Variants in KIF24 observed in about 807,000 individuals in gnomAD.
KIF24 encodes the protein kinesin family member 24, also known as kinesin-like protein KIF24.
Under a neutral mutation model 118.9 loss-of-function variants are expected in KIF24, and 81 were observed. That is an observed-to-expected ratio of 0.68 (90% CI 0.57 to 0.82). The LOEUF (loss-of-function observed/expected upper bound fraction) is 0.82. Ranked by LOEUF, KIF24 falls within the 40% of genes least tolerant of loss-of-function variation. KIF24 has a pLI of 0.00. For missense variants in KIF24, 1,560 were observed against 1,661.6 expected, an observed-to-expected ratio of 0.94 and a Z score of 1.06; for synonymous variants, 599 against 610.0, an observed-to-expected ratio of 0.98 and a Z score of 0.27.
intron 8 of KIF24, among the ~76,000 whole-genome samples, chr9:34,266,692 A>G (rs951784332): frequency 1.3e-4 from 20 of 149,708 alleles, no homozygotes; most frequent in Middle Eastern, 3.5e-3. Context: ...AAAAAAAAAA[A>G]AAAGAAAGAA....
At position 34,271,999 on chromosome 9, in the gene KIF24, C is replaced by A. The variant is rs79113353; in HGVS notation, c.1216-69G>T. On this transcript the variant is annotated intron_variant, in intron 6 of 12. Transcript: ENST00000402558. ...AAAGCCTCTGGCTACTAAGAGTTGG[C>A]TAAGAGCAGTAGACAGCAGACATAT... 532 of 1,448,634 alleles carry A rather than the reference C, an allele frequency of 3.7e-4. 1 individual carries two copies. The African/African-American group carries it at 6.8e-3, about 18-fold the overall frequency. 89.7% of individuals were successfully genotyped at this position (1,448,634 alleles called of 1,614,324 possible).
intron 9 of KIF24, among the ~76,000 whole-genome samples, chr9:34,260,638 A>G (rs541346717): frequency 6.6e-6 from 1 of 152,328 alleles, no homozygotes; most frequent in South Asian, 2.1e-4. Context: ...TTAATTAAAA[A>G]GAAACACATT....
intron 4 of KIF24, among the ~76,000 whole-genome samples, chr9:34,293,237 T>C (rs938276769): frequency 6.6e-6 from 1 of 152,040 alleles, no homozygotes; most frequent in Non-Finnish European, 1.5e-5. Flanking sequence ...CCCAGCACTT[T>C]GGGAGGCTGA....
intron 7 of KIF24, among the ~76,000 whole-genome samples, chr9:34,270,533 A>C (rs1194535685): frequency 1.3e-5 from 2 of 150,132 alleles, no homozygotes; most frequent in East Asian, 4.0e-4. Context: ...AAAAAAAAAG[A>C]AAAGAAAAAA....
intron 6 of KIF24, among the ~76,000 whole-genome samples, chr9:34,276,590 TTTAA>T (rs1441464194): frequency 6.6e-6 from 1 of 152,138 alleles, no homozygotes; most frequent in Non-Finnish European, 1.5e-5. Context: ...TTTTTAGAAA[TTTAA>T]TTAACTAAAA....
At chr9:34,264,192 C>A (rs1345613171) in intron 8 of KIF24, among the ~76,000 whole-genome samples, 1 of 151,158 alleles carries the variant, frequency 6.6e-6, no homozygotes, top group African/African-American at 2.4e-5. Flanking sequence ...GAGGCTGAGG[C>A]GGGCAGATTA....
rs764424387 is a variant in KIF24, at chr9:34,254,426, G to A, written c.4061C>T (p.Thr1354Ile). Residue 1354 changes from threonine (T) to isoleucine (I), a missense_variant, in exon 13 of 13, where the codon ACC (threonine) becomes ATC (isoleucine). Thr to Ile is a moderately conservative substitution (Grantham distance 89). Coordinates refer to ENST00000402558, the MANE Select transcript of KIF24 (RefSeq NM_194313.4). ...AGGGGCTGCGGTGGGCCCGTGGCAGGTGAGATAGAGCTGCAGCTGGCTCCT... is the reference window on the plus strand; with the variant it reads ...AGGGGCTGCGGTGGGCCCGTGGCAGATGAGATAGAGCTGCAGCTGGCTCCT... ...SLRSQLQLYL[T>I]CHGPTAAPEG... 4 of 1,613,838 alleles carry A rather than the reference G, an allele frequency of 2.5e-6. No individual in the cohort carries two copies. The East Asian group carries it at 6.7e-5, about 27-fold the overall frequency.
chr9:34,297,522 G>T (rs1173177200), intron 3 of KIF24, among the ~76,000 whole-genome samples: 3 of 152,088 alleles, frequency 2.0e-5, no homozygotes, highest in Non-Finnish European at 4.4e-5. Flanking sequence ...CAACATTTTG[G>T]GAGGCCGAGG....
chr9:34,300,694 T>C (rs1836665478), intron 3 of KIF24, among the ~76,000 whole-genome samples: 1 of 151,892 alleles, frequency 6.6e-6, no homozygotes, highest in Admixed American at 6.6e-5. Context: ...TGAACATTAT[T>C]TATATCTATT....
intron 4 of KIF24, among the ~76,000 whole-genome samples, chr9:34,296,570 TAA>T (rs1836489866): frequency 6.6e-6 from 1 of 151,962 alleles, no homozygotes; most frequent in African/African-American, 2.4e-5. Context: ...GAAAAATTGA[TAA>T]GTGATATTCA....
At chr9:34,301,049 G>T (rs1043877674) in intron 3 of KIF24, among the ~76,000 whole-genome samples, 20 of 152,202 alleles carry the variant, frequency 1.3e-4, no homozygotes, top group Admixed American at 2.6e-4. Context: ...TTCCAATAAG[G>T]TTTAGATATT....
At chr9:34,267,275 T>TAAATA (rs1391611712) in intron 8 of KIF24, among the ~76,000 whole-genome samples, 1 of 151,726 alleles carries the variant, frequency 6.6e-6, no homozygotes, top group African/African-American at 2.4e-5. Context: ...AAAGTAAAAA[T>TAAATA]AAATAAAATA....
At chr9:34,328,942 T>C (rs191207907) in intron 1 of KIF24, among the ~76,000 whole-genome samples, 164 bp downstream of exon 1, 3 of 152,272 alleles carry the variant, frequency 2.0e-5, no homozygotes, top group South Asian at 2.1e-4. Flanking sequence ...GATAGGAAAG[T>C]AGGTGAACTT....
chr9:34,288,848 CCACACA>C (rs10537521), intron 5 of KIF24, among the ~76,000 whole-genome samples: 19,994 of 138,816 alleles, frequency 0.14, 1,590 homozygotes, highest in Non-Finnish European at 0.18. Flanking sequence ...CCCAAATAAA[CCACACA>C]CACACACACA....
chr9:34,310,961 T>C lies in KIF24; in HGVS notation c.386A>G (p.Gln129Arg). 13 of 1,613,990 alleles carry C rather than the reference T, an allele frequency of 8.1e-6. No homozygotes were observed. The highest frequency in any genetic ancestry group is 1.1e-5 in the Non-Finnish European group (13 of 1,179,868). The change falls in exon 2 of 13, where the codon CAG becomes CGG. Residue 129 changes from glutamine to arginine, a missense_variant. Gln to Arg is a conservative substitution (Grantham distance 43). Coordinates refer to ENST00000402558, the MANE Select transcript of KIF24 (RefSeq NM_194313.4). Reference sequence around the variant, plus strand: ...TAGCACTTTTAGGTAAGTGGACTTCTGTTCATTTGCAGAGAAATCTGATAA... The same window carrying C: ...TAGCACTTTTAGGTAAGTGGACTTCCGTTCATTTGCAGAGAAATCTGATAA... Reference protein sequence around the residue: ...CSLSDFSANEQKSTYLKVLEH... With the variant: ...CSLSDFSANERKSTYLKVLEH...
chr9:34,262,100 C>T (rs1835078580), intron 9 of KIF24, among the ~76,000 whole-genome samples: 1 of 152,052 alleles, frequency 6.6e-6, no homozygotes, highest in Admixed American at 6.6e-5. Flanking sequence ...AGCCACCACA[C>T]CCAGTTAATT....
rs1328995850 is a variant in KIF24 at position 34,259,470 on chromosome 9, G to C, written c.1625+126C>G. ...CTCAAGGTCAGATCCCTATGTGTGT[G>C]TGAGTGGGAGAGACATGTGCATGCA... is the stretch of plus-strand genomic sequence containing the variant. On this transcript the variant is annotated intron_variant, in intron 10 of 12. Coordinates refer to ENST00000402558, the MANE Select transcript of KIF24 (RefSeq NM_194313.4). 4.3e-6 allele frequency: 3 copies of C among 704,910 alleles called. No individual in the cohort carries two copies. In the African/African-American group the frequency reaches 5.3e-5, roughly 12 times the overall value. The allele number at this position is 704,910 out of a possible 1,614,324, so 43.7% of individuals were successfully genotyped here.
At chr9:34,309,314 G>C (rs1837049033) in intron 2 of KIF24, among the ~76,000 whole-genome samples, 1 of 152,068 alleles carries the variant, frequency 6.6e-6, no homozygotes, top group Non-Finnish European at 1.5e-5. Context: ...GGCTGAGGCG[G>C]GTGGATCACA....
At chr9:34,324,840 C>CTT (rs938893753) in intron 1 of KIF24, among the ~76,000 whole-genome samples, 1 of 152,164 alleles carries the variant, frequency 6.6e-6, no homozygotes, top group African/African-American at 2.4e-5. Context: ...TCAAACTTCC[C>CTT]TTTACCTGTC....
Sources: allele counts gnomAD v4.1 joint callset (sites outside exome capture counted in the v4.1 genomes callset), GRCh38; gene constraint gnomAD v4.1.1; transcripts MANE v1.5; gene names NCBI Gene and HGNC (gene_info 2026-07-23, HGNC 2026-07-21).